The following MAST2 variants were observed in gnomAD, a reference collection of about 807,000 sequenced individuals.
MAST2 encodes the protein microtubule-associated serine/threonine-protein kinase 2.
Under a neutral mutation model 147.4 loss-of-function variants are expected in MAST2, and 70 were observed. The ratio of observed to expected loss-of-function variants is 0.47; its 90% CI spans 0.39 to 0.58. MAST2 has a LOEUF of 0.58. Ranked by LOEUF, MAST2 falls within the 20% of genes least tolerant of loss-of-function variation. The pLI is 0.00. For synonymous variants in MAST2, 869 were observed against 896.8 expected, an observed-to-expected ratio of 0.97 and a Z score of 0.55; for missense variants, 2,080 against 2,302.3, an observed-to-expected ratio of 0.90 and a Z score of 1.98.
intron 4 of MAST2, among the ~76,000 whole-genome samples, chr1:45,909,826 T>C (rs1651387078): frequency 6.6e-6 from 1 of 152,112 alleles, no homozygotes; most frequent in South Asian, 2.1e-4. Flanking sequence ...CTTTCTTTTC[T>C]TTTTTGAAGA....
intron 10 of MAST2, among the ~76,000 whole-genome samples, chr1:46,017,853 A>G (rs905188301): frequency 6.6e-6 from 1 of 152,226 alleles, no homozygotes; most frequent in Non-Finnish European, 1.5e-5. Context: ...ATGCTGCTAT[A>G]AAGACACATG....
chr1:46,030,364 G>A, intron 21 of MAST2, 126 bp downstream of exon 21: 1 of 984,380 alleles, frequency 1.0e-6, no homozygotes, highest in Non-Finnish European at 1.5e-6. Context: ...AAAAAGAGGA[G>A]CTAAGGGTTG....
In MAST2 at chr1:45,939,989, T is replaced by TTTTGTTTTTTTTTGTTTTTTTTG. The variant is rs776892902; in HGVS notation, c.501-19394_501-19393insGTTTTTTTTTGTTTTTTTTGTTT. The stretch of plus-strand genomic sequence containing the variant: ...TCTCTATTTATTTAGGGTTTTTTTT[T>TTTTGTTTTTTTTTGTTTTTTTTG]TTTTTTTTTTTTGAGATGGAGTTTC... On this transcript the variant is annotated intron_variant, in intron 4 of 28. Transcript: ENST00000361297. 2.5e-3 allele frequency among the ~76,000 whole-genome samples: 319 copies of TTTTGTTTTTTTTTGTTTTTTTTG among 128,918 alleles called. 6 individuals carry two copies. The highest frequency in any genetic ancestry group is 4.1e-3 in the Middle Eastern group (1 of 246). 84.6% of individuals were successfully genotyped at this position (128,918 alleles called of 152,430 possible).
At chr1:45,959,254 C>T in intron 4 of MAST2, 132 bp from the exon 5 acceptor site, 1 of 612,728 alleles carries the variant, frequency 1.6e-6, no homozygotes, top group Admixed American at 2.9e-5. Flanking sequence ...TAATTGCTGA[C>T]CCAGTTCAGT....
chr1:45,896,963 C>T (rs1648840199), intron 4 of MAST2, among the ~76,000 whole-genome samples: 1 of 152,204 alleles, frequency 6.6e-6, no homozygotes, highest in Non-Finnish European at 1.5e-5. Flanking sequence ...TTCATACTTT[C>T]ATGCATCTGG....
chr1:46,019,033 C>T (rs1283545768), intron 10 of MAST2, among the ~76,000 whole-genome samples: 2 of 152,098 alleles, frequency 1.3e-5, no homozygotes, highest in African/African-American at 4.8e-5. Context: ...CTTCTTTCAC[C>T]CCTTATCTGC....
intron 4 of MAST2, among the ~76,000 whole-genome samples, chr1:45,899,589 A>G (rs1243496028): frequency 2.6e-5 from 4 of 152,052 alleles, no homozygotes; most frequent in Non-Finnish European, 5.9e-5. Flanking sequence ...GTTATTTCAT[A>G]TAGAATAATG....
chr1:45,850,345 A>T (rs1353081727), intron 3 of MAST2, among the ~76,000 whole-genome samples: 9 of 151,826 alleles, frequency 5.9e-5, no homozygotes. Context: ...TAGATATTAG[A>T]CCTTTGTCAG....
chr1:45,924,193 C>T (rs1412051852), intron 4 of MAST2, among the ~76,000 whole-genome samples: 2 of 152,004 alleles, frequency 1.3e-5, no homozygotes, highest in Admixed American at 6.6e-5. Flanking sequence ...TTTTTTTAGG[C>T]CTGTATCATT....
chr1:46,010,975 C>CTA, intron 10 of MAST2, 36 bp downstream of exon 10: 1 of 1,556,228 alleles, frequency 6.4e-7, no homozygotes, highest in South Asian at 1.1e-5. Context: ...GAAAAAACCT[C>CTA]CACCTGGTAT....
At chr1:45,884,273 T>G (rs1646983342) in intron 4 of MAST2, among the ~76,000 whole-genome samples, 2 of 151,976 alleles carry the variant, frequency 1.3e-5, no homozygotes, top group Non-Finnish European at 2.9e-5. Flanking sequence ...CTGGGTCAGG[T>G]GCGGTGGCTC....
intron 19 of MAST2, 60 bp from the exon 20 acceptor site, chr1:46,029,771 G>T: frequency 2.5e-6 from 4 of 1,589,426 alleles, no homozygotes; most frequent in Non-Finnish European, 3.4e-6. Context: ...TGCTAGATTT[G>T]CTGACCTAGA....
chr1:45,825,602 T>G (rs1269892668), intron 2 of MAST2, among the ~76,000 whole-genome samples: 1 of 151,544 alleles, frequency 6.6e-6, no homozygotes, highest in Non-Finnish European at 1.5e-5. Flanking sequence ...CTGGCTAATT[T>G]TTTTATTTTT....
chr1:45,969,346 C>T (rs1035749240), intron 5 of MAST2, among the ~76,000 whole-genome samples: 1 of 152,104 alleles, frequency 6.6e-6, no homozygotes, highest in African/African-American at 2.4e-5. Context: ...AGAAGTGTTC[C>T]ATAGCAGGGA....
intron 4 of MAST2, among the ~76,000 whole-genome samples, chr1:45,901,718 C>T (rs1382082446): frequency 6.6e-6 from 1 of 152,028 alleles, no homozygotes; most frequent in African/African-American, 2.4e-5. Context: ...TAAATGTATT[C>T]CTAAGTATTT....
chr1:45,933,984 G>A (rs143711129), intron 4 of MAST2, among the ~76,000 whole-genome samples: 84 of 151,660 alleles, frequency 5.5e-4, no homozygotes, highest in East Asian at 4.3e-3. Context: ...ATTGTGTGTT[G>A]TGGGGATTTG....
At position 45,917,405 on chromosome 1, in the gene MAST2, C is replaced by A. The variant is rs764795863; in HGVS notation, c.500+35010C>A. 5 of 1,366,416 alleles carry A rather than the reference C, an allele frequency of 3.7e-6. No individual in the cohort carries two copies. The East Asian group carries it at 1.4e-4, about 37-fold the overall frequency. 84.6% of individuals were successfully genotyped at this position (1,366,416 alleles called of 1,614,324 possible). A position where few individuals can be genotyped will look rare whatever the true frequency, so the allele number is the denominator to read the frequency against. On this transcript the variant is annotated intron_variant, in intron 4 of 28. Coordinates refer to ENST00000361297, the MANE Select transcript of MAST2 (RefSeq NM_015112.3). ...TGTTTTCACCCACATCTGCTCCAGCCCTCTTCCTCACTAAAGTCCCATTTA... is the reference window on the plus strand; with the variant it reads ...TGTTTTCACCCACATCTGCTCCAGCACTCTTCCTCACTAAAGTCCCATTTA...
Position 46,030,168 on chromosome 1 carries a change from A to G in MAST2, c.2483A>G (p.Glu828Gly). 6.2e-7 allele frequency: 1 copy of G among 1,614,250 alleles called. No homozygotes were observed. The highest frequency in any genetic ancestry group is 8.5e-7 in the Non-Finnish European group (1 of 1,180,042). Residue 828 changes from glutamate to glycine, a missense_variant, in exon 21 of 29, where the codon GAG becomes GGG. By Grantham distance (98) the Glu-to-Gly change is moderately conservative (BLOSUM62 -2). Around this residue, in one of 4 missense-constraint regions of MAST2, gnomAD observed 1,278 missense variants for 1,304.2 expected, o/e 0.98. Transcript: ENST00000361297. ...TACCACCACATGGACTCGGAGGATG[A>G]GGAAGAAGTGAGTGAGGATGGCTGC... ...ERYHHMDSED[E>G]EEVSEDGCLE...
intron 4 of MAST2, among the ~76,000 whole-genome samples, chr1:45,897,902 C>G (rs534238513): frequency 6.6e-6 from 1 of 150,996 alleles, no homozygotes. Flanking sequence ...GTCAGGAGTT[C>G]GAGACCAGCC....
Sources: allele counts gnomAD v4.1 joint callset (sites outside exome capture counted in the v4.1 genomes callset), GRCh38; gene constraint gnomAD v4.1.1; regional missense constraint gnomAD v4.1.1; transcripts MANE v1.5; gene names NCBI Gene and HGNC (gene_info 2026-07-23, HGNC 2026-07-21).